The following TDRD6 variants were observed in gnomAD, a reference collection of about 807,000 sequenced individuals.
The protein encoded by TDRD6 is tudor domain-containing protein 6.
A neutral mutation model predicts 157.5 loss-of-function variants in TDRD6; 186 were observed. The ratio of observed to expected loss-of-function variants is 1.18; its 90% CI spans 1.05 to 1.33. The LOEUF is 1.33. Ranked by LOEUF, TDRD6 falls within the 40% of genes most tolerant of loss-of-function variation. TDRD6 has a pLI of 0.00. For synonymous variants in TDRD6, 1,075 were observed against 945.2 expected (o/e 1.14, Z -2.52); for missense variants, 3,066 against 2,508.0 (o/e 1.22, Z -4.75).
chr6:46,688,921 A>C lies in TDRD6; in HGVS notation c.793A>C (p.Ile265Leu). ...VITQVCHPHRIHCQLRSVSQE... is the reference protein window; with the variant it reads ...VITQVCHPHRLHCQLRSVSQE... ...AACCCAAGTGTGCCATCCCCACCGC[A>C]TTCACTGCCAGCTCCGCAGCGTCTC... The change falls in exon 1 of 4, where the codon ATT (isoleucine) becomes CTT (leucine). Residue 265 changes from isoleucine to leucine, a missense_variant. Coordinates refer to ENST00000316081, the MANE Select transcript of TDRD6 (RefSeq NM_001010870.3). 2 of 1,609,162 alleles carry C rather than the reference A, an allele frequency of 1.2e-6. No individual in the cohort carries two copies. Among genetic ancestry groups the C allele is most frequent in the Non-Finnish European group, 1.7e-6 (2 of 1,176,870 alleles).
intron 2 of TDRD6, 89 bp downstream of exon 2, chr6:46,696,034 T>C (rs185377594): frequency 2.7e-4 from 378 of 1,413,618 alleles, no homozygotes; most frequent in Non-Finnish European, 3.2e-4. Flanking sequence ...GAGAACGCGA[T>C]TGAACAAATG....
rs1367922911 is a variant in TDRD6 at position 46,689,967 on chromosome 6, C to G, written c.1839C>G (p.Ser613Arg). The G allele has an allele frequency of 9.3e-6, 15 of 1,613,676 alleles. No individual in the cohort carries two copies. Among genetic ancestry groups the G allele is most frequent in the Non-Finnish European group, 1.3e-5 (15 of 1,179,790 alleles). ...TTTGGCCTTTGGGAAAAACTTGGAG[C>G]CAGGAGGCAGTTTCCTTTTTTAAAA... ...ADIWPLGKTWSQEAVSFFKKT... is the reference protein window; with the variant it reads ...ADIWPLGKTWRQEAVSFFKKT... The change falls in exon 1 of 4, where the codon AGC (serine) becomes AGG (arginine). Residue 613 changes from serine (S) to arginine (R), a missense_variant. Coordinates refer to ENST00000316081, the MANE Select transcript of TDRD6 (RefSeq NM_001010870.3).
At position 46,693,846 on chromosome 6, in the gene TDRD6, A is replaced by G; in HGVS notation, c.5718A>G (p.Glu1906=). The G allele has an allele frequency of 3.1e-6, 5 of 1,614,242 alleles. No individual in the cohort carries two copies. Among genetic ancestry groups the G allele is most frequent in the Non-Finnish European group, 4.2e-6 (5 of 1,180,040 alleles). The change falls in exon 1 of 4, where the codon GAA becomes GAG. Residue 1906 remains glutamate, a synonymous_variant. Coordinates refer to ENST00000316081, the MANE Select transcript of TDRD6 (RefSeq NM_001010870.3). ...PLSCEAEKQP[E]LELPTAQLPL... ...GCTGTGAAGCTGAGAAACAGCCAGA[A>G]CTAGAACTACCTACAGCCCAGCTGC...
rs1764405634 is a variant in TDRD6, at chr6:46,693,505, C to A, written c.5377C>A (p.Leu1793Met). Residue 1793 changes from leucine to methionine, a missense_variant, in exon 1 of 4, where the codon CTG becomes ATG. Physicochemically the swap from Leu to Met is conservative, Grantham distance 15. Transcript: ENST00000316081. ...PCKDKIDTEE[L>M]EGELECHLVD... ...CAAAGATAAAATTGATACTGAGGAA[C>A]TGGAAGGTGAATTAGAGTGCCATCT... is the stretch of plus-strand genomic sequence containing the variant. 1.2e-6 allele frequency: 2 copies of A among 1,613,642 alleles called. No individual in the cohort carries two copies. Among genetic ancestry groups the A allele is most frequent in the Non-Finnish European group, 1.7e-6 (2 of 1,179,898 alleles).
chr6:46,692,981 G>T lies in TDRD6; in HGVS notation c.4853G>T (p.Trp1618Leu), dbSNP rs777176486. Reference protein sequence around the residue: ...IEDCVDPKALWAIPSELLSVP... With the variant: ...IEDCVDPKALLAIPSELLSVP... Reference sequence around the variant, plus strand: ...GACTGTGTGGACCCAAAAGCACTCTGGGCCATTCCTTCTGAACTTCTGTCG... The same window carrying T: ...GACTGTGTGGACCCAAAAGCACTCTTGGCCATTCCTTCTGAACTTCTGTCG... The change falls in exon 1 of 4, where the codon TGG becomes TTG. Residue 1618 changes from tryptophan (W) to leucine (L), a missense_variant. Coordinates refer to ENST00000316081, the MANE Select transcript of TDRD6 (RefSeq NM_001010870.3). 1.9e-6 allele frequency: 3 copies of T among 1,612,672 alleles called. No homozygotes were observed.
chr6:46,693,405 C>T lies in TDRD6; in HGVS notation c.5277C>T (p.Asn1759=). The T allele has an allele frequency of 6.2e-7, 1 of 1,613,730 alleles. No individual in the cohort carries two copies. Among genetic ancestry groups the T allele is most frequent in the Non-Finnish European group, 8.5e-7 (1 of 1,179,946 alleles). ...ELAEITEKDV[N]IIGTKPSNFR... ...CTGAAATAACTGAAAAAGATGTAAACATTATTGGAACCAAACCAAGTAACT... is the reference window on the plus strand; with the variant it reads ...CTGAAATAACTGAAAAAGATGTAAATATTATTGGAACCAAACCAAGTAACT... The change falls in exon 1 of 4, where the codon AAC becomes AAT. Residue 1759 remains asparagine (N), a synonymous_variant. Transcript: ENST00000316081.
rs1764369013 is a variant in TDRD6, at chr6:46,692,655, A to G, written c.4527A>G (p.Val1509=). ...ACAAATCAGACATTGACACTTCAGTATTTCTTAACTGGTATAATCCAGAAA... is the reference window on the plus strand; with the variant it reads ...ACAAATCAGACATTGACACTTCAGTGTTTCTTAACTGGTATAATCCAGAAA... The part of the protein sequence containing the change: ...SVNKSDIDTS[V]FLNWYNPEKK... The change falls in exon 1 of 4, where the codon GTA becomes GTG. Residue 1509 remains valine, a synonymous_variant. Transcript: ENST00000316081. 6.2e-7 allele frequency: 1 copy of G among 1,613,432 alleles called. No individual in the cohort carries two copies. Among genetic ancestry groups the G allele is most frequent in the Non-Finnish European group, 8.5e-7 (1 of 1,179,874 alleles).
intron 2 of TDRD6, among the ~76,000 whole-genome samples, chr6:46,697,398 C>T (rs1452086705): frequency 2.0e-5 from 3 of 152,120 alleles, no homozygotes; most frequent in Non-Finnish European, 2.9e-5. Flanking sequence ...GAAGTCTGAA[C>T]TTCCTATGGT....
At chr6:46,680,827 A>G in the TDRD6 span, among the ~76,000 whole-genome samples, 1 of 152,130 alleles carries the variant, frequency 6.6e-6, no homozygotes, top group East Asian at 1.9e-4. Flanking sequence ...TGTTCCCTCC[A>G]TCTACCTTTC....
At position 46,688,620 on chromosome 6, in the gene TDRD6, G is replaced by A; in HGVS notation, c.492G>A (p.Lys164=). The A allele has an allele frequency of 5.0e-6, 8 of 1,599,138 alleles. No individual in the cohort carries two copies. Among genetic ancestry groups the A allele is most frequent in the Non-Finnish European group, 5.9e-6 (7 of 1,179,830 alleles). ...AVDFLSNLQG[K]EVHGCVLDVL... is the part of the protein sequence containing the mutation. ...ACTTCCTTAGCAACCTTCAGGGCAA[G>A]GAGGTGCACGGGTGCGTCCTGGACG... The change falls in exon 1 of 4, where the codon AAG becomes AAA. Residue 164 remains lysine (K), a synonymous_variant. Transcript: ENST00000316081.
chr6:46,702,986 A>C lies in TDRD6; in HGVS notation c.*1099A>C, dbSNP rs530066183. 2.0e-5 allele frequency: 3 copies of C among 152,190 alleles called. No homozygotes were observed. Among genetic ancestry groups the C allele is most frequent in the African/African-American group, 7.2e-5 (3 of 41,536 alleles). 9.4% of individuals were successfully genotyped at this position (152,190 alleles called of 1,614,324 possible). The stretch of plus-strand genomic sequence containing the variant: ...TAAATGTGTCTTTCTTTACCCTGAA[A>C]AATACTCAGTGTGCACTATGTTAGG... On this transcript the variant is annotated 3_prime_UTR_variant, in exon 4 of 4. Coordinates refer to ENST00000316081, the MANE Select transcript of TDRD6 (RefSeq NM_001010870.3).
intron 2 of TDRD6, among the ~76,000 whole-genome samples, chr6:46,697,405 T>C (rs1444516066): frequency 6.6e-6 from 1 of 152,162 alleles, no homozygotes. Context: ...GAACTTCCTA[T>C]GGTGTATTGT....
chr6:46,681,165 T>C, the TDRD6 span, among the ~76,000 whole-genome samples: 5 of 152,362 alleles, frequency 3.3e-5, no homozygotes, highest in African/African-American at 1.2e-4. Context: ...TTTTGTTCTC[T>C]TCTTCAGAAT....
Position 46,704,284 on chromosome 6 carries a change from A to C in TDRD6, c.*2397A>C. On this transcript the variant is annotated 3_prime_UTR_variant, in exon 4 of 4. Coordinates refer to ENST00000316081, the MANE Select transcript of TDRD6 (RefSeq NM_001010870.3). The stretch of plus-strand genomic sequence containing the variant: ...GTTTTTAACTTCGACACTGAAAAGG[A>C]ATCATCTTTAAAATTAAAATTTAGG... The C allele has an allele frequency of 3.0e-6, 1 of 338,332 alleles. No individual in the cohort carries two copies. The highest frequency in any genetic ancestry group is 5.5e-5 in the East Asian group (1 of 18,086). The allele number at this position is 338,332 out of a possible 1,614,324, so 21.0% of individuals were successfully genotyped here. A position where few individuals can be genotyped will look rare whatever the true frequency, so the allele number is the denominator to read the frequency against.
rs1764665850 is a variant in TDRD6, at chr6:46,703,210, A to G, written c.*1323A>G. The G allele has an allele frequency of 6.6e-6, 1 of 152,120 alleles. No individual in the cohort carries two copies. The highest frequency in any genetic ancestry group is 2.4e-5 in the African/African-American group (1 of 41,464). The allele number at this position is 152,120 out of a possible 1,614,324, so 9.4% of individuals were successfully genotyped here. A position where few individuals can be genotyped will look rare whatever the true frequency, so the allele number is the denominator to read the frequency against. The stretch of plus-strand genomic sequence containing the variant: ...CTAAATGAGACTGGGGTAAAGGTGT[A>G]TCTCTGTGAAGCATTATCAGACTCT... On this transcript the variant is annotated 3_prime_UTR_variant, in exon 4 of 4. Transcript: ENST00000316081.
In TDRD6 at chr6:46,700,155, T is replaced by G. The variant is rs893798570; in HGVS notation, c.6262-1703T>G. On this transcript the variant is annotated intron_variant, in intron 3 of 3. Coordinates refer to ENST00000316081, the MANE Select transcript of TDRD6 (RefSeq NM_001010870.3). ...ATGCATACATATGTACATACAAGAT[T>G]CAGTTTGGATAAAGTTCTCTATGCC... Among the ~76,000 whole-genome samples the G allele has an allele frequency of 6.6e-5, 10 of 152,210 alleles. No individual in the cohort carries two copies. In the East Asian group the frequency reaches 1.4e-3, roughly 21 times the overall value.
In TDRD6 at chr6:46,691,188, A is replaced by G. The variant is rs1279766980; in HGVS notation, c.3060A>G (p.Thr1020=). Reference sequence around the variant, plus strand: ...TAGAACAGTTGTCATGTAGTATTACACAATTAAGTAAAGTTTTGCTGAATT... The same window carrying G: ...TAGAACAGTTGTCATGTAGTATTACGCAATTAAGTAAAGTTTTGCTGAATT... The part of the protein sequence containing the change: ...NILEQLSCSI[T]QLSKVLLNLK... The change falls in exon 1 of 4, where the codon ACA becomes ACG. Residue 1020 remains threonine (T), a synonymous_variant. Coordinates refer to ENST00000316081, the MANE Select transcript of TDRD6 (RefSeq NM_001010870.3). 3 of 1,613,106 alleles carry G rather than the reference A, an allele frequency of 1.9e-6. No homozygotes were observed. Among genetic ancestry groups the G allele is most frequent in the Non-Finnish European group, 2.5e-6 (3 of 1,179,744 alleles).
Position 46,692,984 on chromosome 6 carries a change from C to T in TDRD6, c.4856C>T (p.Ala1619Val), listed in dbSNP as rs1481894613. ...TGTGTGGACCCAAAAGCACTCTGGG[C>T]CATTCCTTCTGAACTTCTGTCGGTT... is the stretch of plus-strand genomic sequence containing the variant. ...EDCVDPKALW[A>V]IPSELLSVPM... The change falls in exon 1 of 4, where the codon GCC becomes GTC. Residue 1619 changes from alanine to valine, a missense_variant. By Grantham distance (64) the Ala-to-Val change is moderately conservative (BLOSUM62 0). Transcript: ENST00000316081. The T allele has an allele frequency of 5.0e-6, 8 of 1,612,220 alleles. No individual in the cohort carries two copies. Among genetic ancestry groups the T allele is most frequent in the Middle Eastern group, 3.3e-4 (2 of 6,072 alleles).
rs115950584 is a variant in TDRD6 at position 46,696,182 on chromosome 6, T to G, written c.6171+237T>G. On this transcript the variant is annotated intron_variant, in intron 2 of 3. Coordinates refer to ENST00000316081, the MANE Select transcript of TDRD6 (RefSeq NM_001010870.3). ...CTCTTTCTAAATGCTATTAGTCACCTAGTTCCACACTTTACACATCTTATC... is the reference window on the plus strand; with the variant it reads ...CTCTTTCTAAATGCTATTAGTCACCGAGTTCCACACTTTACACATCTTATC... Among the ~76,000 whole-genome samples, 1,387 of 152,194 alleles carry G rather than the reference T, an allele frequency of 9.1e-3. 20 individuals carry two copies. The highest frequency in any genetic ancestry group is 0.031 in the African/African-American group (1,287 of 41,506).
Sources: allele counts gnomAD v4.1 joint callset (sites outside exome capture counted in the v4.1 genomes callset), GRCh38; gene constraint gnomAD v4.1.1; transcripts MANE v1.5; gene names NCBI Gene and HGNC (gene_info 2026-07-23, HGNC 2026-07-21).